MALRD1: variants seen among roughly 807,000 people sequenced by gnomAD.
MALRD1 encodes MAM and LDL-receptor class A domain-containing protein 1.
MALRD1 carries 247 observed loss-of-function variants against 242.1 expected under a neutral mutation model. The observed-to-expected ratio is 1.02, with a 90% CI of 0.92 to 1.13. MALRD1 has a LOEUF of 1.13. MALRD1 is among the 50% of genes most tolerant of loss of function. The pLI, the probability that MALRD1 is intolerant of heterozygous loss-of-function variation, is 0.00. For synonymous variants in MALRD1, 995 were observed against 866.6 expected (o/e 1.15, Z -2.60); for missense variants, 2,989 against 2,533.1 (o/e 1.18, Z -3.86).
chr10:19,280,016 A>G, intron 19 of MALRD1, 31 bp from the exon 20 acceptor site: 1 of 1,432,204 alleles, frequency 7.0e-7, no homozygotes, highest in African/African-American at 1.4e-5. Flanking sequence ...AAAACCTGCT[A>G]AATGATGCCT....
At chr10:19,174,798 T>G (rs1835159556) in intron 13 of MALRD1, among the ~76,000 whole-genome samples, 1 of 152,182 alleles carries the variant, frequency 6.6e-6, no homozygotes, top group East Asian at 1.9e-4. Flanking sequence ...ATATAATATT[T>G]AAATATTTTA....
At chr10:19,149,282 G>T (rs1833852954) in intron 11 of MALRD1, among the ~76,000 whole-genome samples, 1 of 152,034 alleles carries the variant, frequency 6.6e-6, no homozygotes, top group Middle Eastern at 3.4e-3. Flanking sequence ...CGCCCAGCTG[G>T]TTTTTTGTTT....
At chr10:19,443,550 C>T (rs771959009) in intron 28 of MALRD1, among the ~76,000 whole-genome samples, 1 of 152,166 alleles carries the variant, frequency 6.6e-6, no homozygotes, top group Non-Finnish European at 1.5e-5. Flanking sequence ...CAAAGAACAT[C>T]TTTATTTCTG....
chr10:19,358,016 A>G (rs990383518), intron 26 of MALRD1, among the ~76,000 whole-genome samples: 3 of 151,940 alleles, frequency 2.0e-5, no homozygotes, highest in East Asian at 1.9e-4. Flanking sequence ...CTGGATGGCA[A>G]TTTTGTTAAT....
chr10:19,228,433 A>G (rs1368393679), intron 18 of MALRD1, among the ~76,000 whole-genome samples: 1 of 152,236 alleles, frequency 6.6e-6, no homozygotes, highest in South Asian at 2.1e-4. Context: ...ACATTTTGTG[A>G]TGATGCAGAT....
intron 18 of MALRD1, among the ~76,000 whole-genome samples, chr10:19,210,520 A>C (rs1253639092): frequency 6.6e-6 from 1 of 152,170 alleles, no homozygotes; most frequent in Non-Finnish European, 1.5e-5. Context: ...TTCATCCTGT[A>C]GTCAAATTAA....
chr10:19,302,753 A>G (rs892040832), intron 21 of MALRD1, among the ~76,000 whole-genome samples: 3 of 151,894 alleles, frequency 2.0e-5, no homozygotes, highest in South Asian at 2.1e-4. Flanking sequence ...TGTGAACTTT[A>G]TGGTATGTGA....
At chr10:19,640,123 C>T (rs1840317298) in intron 36 of MALRD1, among the ~76,000 whole-genome samples, 1 of 152,056 alleles carries the variant, frequency 6.6e-6, no homozygotes, top group Non-Finnish European at 1.5e-5. Context: ...GAGTTTCGCT[C>T]TTGTCACCCA....
chr10:19,194,207 T>A (rs1247764902), intron 14 of MALRD1, among the ~76,000 whole-genome samples: 2 of 152,172 alleles, frequency 1.3e-5, no homozygotes, highest in East Asian at 1.9e-4. Flanking sequence ...GACACCCTGA[T>A]GTGCCTAAGT....
chr10:19,185,233 C>T (rs1835686836), intron 14 of MALRD1, among the ~76,000 whole-genome samples: 1 of 152,054 alleles, frequency 6.6e-6, no homozygotes, highest in Non-Finnish European at 1.5e-5. Context: ...GTAATGTAGG[C>T]AAGAAAGCCA....
intron 33 of MALRD1, among the ~76,000 whole-genome samples, chr10:19,577,992 A>C (rs577111951): frequency 1.3e-5 from 2 of 152,216 alleles, no homozygotes; most frequent in South Asian, 4.1e-4. Context: ...TTGGGCTATG[A>C]GAGGCTACAT....
chr10:19,113,132 C>A (rs2131357799), intron 5 of MALRD1, among the ~76,000 whole-genome samples: 1 of 152,100 alleles, frequency 6.6e-6, no homozygotes, highest in Middle Eastern at 3.4e-3. Flanking sequence ...GTATTCTACT[C>A]AACAATCTAC....
At chr10:19,410,695 T>C (rs953914416) in intron 28 of MALRD1, among the ~76,000 whole-genome samples, 7 of 142,166 alleles carry the variant, frequency 4.9e-5, no homozygotes, top group Admixed American at 3.5e-4. Flanking sequence ...TTTTTTTTTA[T>C]CTTTATCAAG....
At chr10:19,373,229 C>T (rs1227285199) in intron 26 of MALRD1, among the ~76,000 whole-genome samples, 4 of 108,524 alleles carry the variant, frequency 3.7e-5, no homozygotes, top group East Asian at 2.6e-4. Flanking sequence ...AATAAGGGGC[C>T]GGGCACGGTG....
At chr10:19,596,302 T>G (rs534648731) in intron 34 of MALRD1, among the ~76,000 whole-genome samples, 1 of 152,322 alleles carries the variant, frequency 6.6e-6, no homozygotes, top group East Asian at 1.9e-4. Context: ...TTATATTTTA[T>G]ATTTTATTAT....
rs547952411 is a variant in MALRD1 at position 19,497,140 on chromosome 10, G to T, written c.5159-1345G>T. 2.4e-4 allele frequency among the ~76,000 whole-genome samples: 36 copies of T among 152,076 alleles called. 1 individual carries two copies. Among genetic ancestry groups the T allele is most frequent in the Non-Finnish European group, 5.0e-4 (34 of 67,990 alleles). On this transcript the variant is annotated intron_variant, in intron 30 of 39. Coordinates refer to ENST00000454679, the MANE Select transcript of MALRD1 (RefSeq NM_001142308.3). ...TGTATATCAGGGAGTCACTTACATA[G>T]AAAACTAGTAAAGAATGTGCAGGTG...
chr10:19,177,325 T>G (rs1469371624), intron 14 of MALRD1, among the ~76,000 whole-genome samples: 1 of 150,746 alleles, frequency 6.6e-6, no homozygotes, highest in Non-Finnish European at 1.5e-5. Context: ...TTAAACAGGA[T>G]TACCTTATTT....
At chr10:19,468,162 G>A (rs1564368161) in intron 29 of MALRD1, among the ~76,000 whole-genome samples, 1 of 152,110 alleles carries the variant, frequency 6.6e-6, no homozygotes. Context: ...ATTCATTTTA[G>A]TTGTTTATTC....
chr10:19,347,893 G>A lies in MALRD1; in HGVS notation c.4024G>A (p.Ala1342Thr), dbSNP rs746239740. 238 of 1,550,278 alleles carry A rather than the reference G, an allele frequency of 1.5e-4. No individual in the cohort carries two copies. Among genetic ancestry groups the A allele is most frequent in the Non-Finnish European group, 2.0e-4 (230 of 1,146,854 alleles). Residue 1342 changes from alanine (A) to threonine (T), a missense_variant, in exon 25 of 40, where the codon GCA becomes ACA. Ala to Thr is a moderately conservative substitution (Grantham distance 58). Coordinates refer to ENST00000454679, the MANE Select transcript of MALRD1 (RefSeq NM_001142308.3). ...SIPAAGTEPAADHTLGNSSGH... is the reference protein window; with the variant it reads ...SIPAAGTEPATDHTLGNSSGH... The stretch of plus-strand genomic sequence containing the variant: ...CCCTGCAGCAGGCACAGAGCCAGCA[G>A]CAGATCACACTTTGGGAAATTCATC...
Sources: allele counts gnomAD v4.1 joint callset (sites outside exome capture counted in the v4.1 genomes callset), GRCh38; gene constraint gnomAD v4.1.1; transcripts MANE v1.5; gene names NCBI Gene and HGNC (gene_info 2026-07-23, HGNC 2026-07-21).